The following ZNHIT6 variants were observed in gnomAD, a reference collection of about 807,000 sequenced individuals.
ZNHIT6 encodes the protein zinc finger HIT-type containing 6, also known as box C/D snoRNA protein 1.
ZNHIT6 carries 45 observed loss-of-function variants against 57.2 expected under a neutral mutation model. The observed-to-expected ratio is 0.79, with a 90% confidence interval of 0.62 to 1.01. The LOEUF (loss-of-function observed/expected upper bound fraction) is 1.01, where lower values mean the gene tolerates loss of function less well. Ranked by LOEUF, ZNHIT6 falls within the 50% of genes least tolerant of loss-of-function variation. ZNHIT6 has a pLI of 0.00. For synonymous variants in ZNHIT6, 188 were observed against 190.0 expected (o/e 0.99, Z 0.09); for missense variants, 528 against 567.3 (o/e 0.93, Z 0.70).
intron 5 of ZNHIT6, among the ~76,000 whole-genome samples, chr1:85,686,681 G>A (rs1193363901): frequency 6.6e-6 from 1 of 152,122 alleles, no homozygotes; most frequent in Non-Finnish European, 1.5e-5. Context: ...TTTTAGGGCA[G>A]CAAGTCAATC....
At chr1:85,654,967 C>T (rs1275218493) in intron 9 of ZNHIT6, among the ~76,000 whole-genome samples, 1 of 152,182 alleles carries the variant, frequency 6.6e-6, no homozygotes, top group Non-Finnish European at 1.5e-5. Flanking sequence ...AAGCACACAC[C>T]TGGAACTGCC....
Position 85,702,146 on chromosome 1 carries a change from T to A in ZNHIT6, c.1019+11A>T. On this transcript the variant is annotated intron_variant, in intron 5 of 9. Transcript: ENST00000370574. ...CAGAATACCTGATATACTAAAAAGT[T>A]AGAAACTTACTTCTTATCAAAAAAG... 1 of 1,570,276 alleles carries A rather than the reference T, an allele frequency of 6.4e-7. No individual in the cohort carries two copies. Among genetic ancestry groups the A allele is most frequent in the Non-Finnish European group, 8.7e-7 (1 of 1,151,318 alleles).
chr1:85,697,777 C>G (rs1662418694), intron 5 of ZNHIT6, among the ~76,000 whole-genome samples: 1 of 152,174 alleles, frequency 6.6e-6, no homozygotes, highest in Non-Finnish European at 1.5e-5. Context: ...TTGCATCAGA[C>G]TTAAAAGATC....
intron 9 of ZNHIT6, among the ~76,000 whole-genome samples, chr1:85,655,178 T>C (rs972744399): frequency 6.6e-6 from 1 of 152,218 alleles, no homozygotes; most frequent in Non-Finnish European, 1.5e-5. Context: ...TTAAAAGTTT[T>C]TTTCCTTCTC....
chr1:85,687,893 A>T (rs1662108932), intron 5 of ZNHIT6, among the ~76,000 whole-genome samples: 1 of 152,148 alleles, frequency 6.6e-6, no homozygotes, highest in Non-Finnish European at 1.5e-5. Context: ...AAATACAAAA[A>T]TTAGCTGGGT....
chr1:85,695,508 T>G (rs1662340777), intron 5 of ZNHIT6, among the ~76,000 whole-genome samples: 1 of 152,174 alleles, frequency 6.6e-6, no homozygotes, highest in African/African-American at 2.4e-5. Context: ...ACATCAGAGC[T>G]GGCATTTGAA....
intron 5 of ZNHIT6, among the ~76,000 whole-genome samples, chr1:85,693,486 G>A (rs189463476): frequency 2.9e-3 from 442 of 152,158 alleles, no homozygotes; most frequent in Non-Finnish European, 5.3e-3. Context: ...AAAGTGACTT[G>A]GACAATATAG....
intron 9 of ZNHIT6, among the ~76,000 whole-genome samples, chr1:85,655,630 T>A (rs1364354557): frequency 1.3e-5 from 2 of 152,210 alleles, no homozygotes; most frequent in Admixed American, 1.3e-4. Context: ...TTTCCTTAGA[T>A]TGAAATGCAG....
rs542482220 is a variant in ZNHIT6 at position 85,702,235 on chromosome 1, C to T, written c.941G>A (p.Arg314Gln). The change falls in exon 5 of 10, where the codon CGG (arginine) becomes CAG (glutamine). Residue 314 changes from arginine (R) to glutamine (Q), a missense_variant. Transcript: ENST00000370574. ...KYMYFMKNRARRQGINLKLLP... is the reference protein window; with the variant it reads ...KYMYFMKNRAQRQGINLKLLP... ...AAGTTTTAAGTTAATACCTTGCCTCCGGGCACGATTTTTCATAAAGTACAT... is the reference window on the plus strand; with the variant it reads ...AAGTTTTAAGTTAATACCTTGCCTCTGGGCACGATTTTTCATAAAGTACAT... 6.9e-6 allele frequency: 11 copies of T among 1,603,674 alleles called. No individual in the cohort carries two copies. The highest frequency in any genetic ancestry group is 3.4e-5 in the South Asian group (3 of 88,508).
intron 8 of ZNHIT6, among the ~76,000 whole-genome samples, 165 bp from the exon 9 acceptor site, chr1:85,658,136 C>T (rs1435899284): frequency 6.6e-6 from 1 of 152,026 alleles, no homozygotes; most frequent in Non-Finnish European, 1.5e-5. Flanking sequence ...CTAAGAAAGG[C>T]AGGTACAAGA....
intron 5 of ZNHIT6, among the ~76,000 whole-genome samples, chr1:85,691,059 T>A (rs1343885991): frequency 6.6e-6 from 1 of 152,114 alleles, no homozygotes; most frequent in Admixed American, 6.5e-5. Flanking sequence ...AGCCCGGGTA[T>A]CTATTCTGCA....
At chr1:85,677,204 AT>A in intron 8 of ZNHIT6, 31 bp downstream of exon 8, 2 of 1,525,714 alleles carry the variant, frequency 1.3e-6, no homozygotes, top group Non-Finnish European at 1.8e-6. Flanking sequence ...ACTAAAAAAT[AT>A]TTAAAGAAAT....
At chr1:85,690,783 T>C (rs1346761535) in intron 5 of ZNHIT6, among the ~76,000 whole-genome samples, 1 of 152,132 alleles carries the variant, frequency 6.6e-6, no homozygotes, top group Non-Finnish European at 1.5e-5. Context: ...CCCAGCACTT[T>C]GGGAGGCTGA....
chr1:85,658,549 T>C (rs982343117), intron 8 of ZNHIT6, among the ~76,000 whole-genome samples: 6 of 150,716 alleles, frequency 4.0e-5, no homozygotes, highest in African/African-American at 1.5e-4. Flanking sequence ...TCAATTTTCA[T>C]ACCAAGAAAT....
At chr1:85,699,308 A>AT (rs1284116028) in intron 5 of ZNHIT6, among the ~76,000 whole-genome samples, 4 of 152,042 alleles carry the variant, frequency 2.6e-5, no homozygotes, top group African/African-American at 2.4e-5. Context: ...TTAAATGTCT[A>AT]TTTTTTCCTC....
chr1:85,689,399 T>C (rs1323439953), intron 5 of ZNHIT6, among the ~76,000 whole-genome samples: 1 of 152,188 alleles, frequency 6.6e-6, no homozygotes, highest in African/African-American at 2.4e-5. Flanking sequence ...TTTGGAAGTA[T>C]GAATACAAAG....
At chr1:85,703,575 T>C (rs1214777933) in intron 4 of ZNHIT6, among the ~76,000 whole-genome samples, 1 of 152,128 alleles carries the variant, frequency 6.6e-6, no homozygotes, top group Non-Finnish European at 1.5e-5. Flanking sequence ...CTGGGAAAAG[T>C]GGATTATCTA....
intron 8 of ZNHIT6, among the ~76,000 whole-genome samples, chr1:85,672,150 T>C (rs1661571591): frequency 6.6e-6 from 1 of 152,288 alleles, no homozygotes; most frequent in South Asian, 2.1e-4. Flanking sequence ...CACCCCTACA[T>C]GAAACTCAAC....
intron 9 of ZNHIT6, among the ~76,000 whole-genome samples, chr1:85,654,993 C>A (rs1198758149): frequency 6.6e-6 from 1 of 152,164 alleles, no homozygotes; most frequent in Non-Finnish European, 1.5e-5. Context: ...TTCCAACTGA[C>A]AAGTTCCCTG....
Sources: gnomAD v4.1 joint callset for allele counts (sites outside exome capture counted in the v4.1 genomes callset) on GRCh38, gnomAD v4.1.1 for gene constraint, MANE v1.5 for transcripts, NCBI Gene and HGNC (gene_info 2026-07-23, HGNC 2026-07-21) for gene names.